Variants in PCDH9 observed in about 807,000 individuals in gnomAD.
PCDH9 encodes the protein protocadherin 9, also known as protocadherin-9.
Under a neutral mutation model 70.6 loss-of-function variants are expected in PCDH9, and 24 were observed. The ratio of observed to expected loss-of-function variants is 0.34; its 90% CI spans 0.25 to 0.48. PCDH9 has a LOEUF of 0.48. PCDH9 is among the 20% of genes least tolerant of loss of function. PCDH9 has a pLI of 0.99. For missense variants in PCDH9, 1,281 were observed against 1,503.6 expected (o/e 0.85, Z 2.45); for synonymous variants, 562 against 558.5 (o/e 1.01, Z -0.09).
In PCDH9 at chr13:67,225,941, C is replaced by A. The variant is rs375314712; in HGVS notation, c.2500G>T (p.Val834Phe). Residue 834 changes from valine (V) to phenylalanine (F), a missense_variant, in exon 2 of 5, where the codon GTT (valine) becomes TTT (phenylalanine). This residue lies in a region of PCDH9 where 207 missense variants were observed against 191.8 expected (regional missense o/e 1.08). Transcript: ENST00000377865. ...GATGCATGGCGACAGCGCACCAGAA[C>A]GGTGACGAAGATCACAACAATGACC... The part of the protein sequence containing the change: ...MVVIVVIFVT[V>F]LVRCRHASRF... 6.2e-7 allele frequency: 1 copy of A among 1,614,128 alleles called. No homozygotes were observed. Among genetic ancestry groups the A allele is most frequent in the Admixed American group, 1.7e-5 (1 of 60,028 alleles).
chr13:66,751,451 C>T (rs1158104058), intron 3 of PCDH9, among the ~76,000 whole-genome samples: 1 of 151,980 alleles, frequency 6.6e-6, no homozygotes, highest in South Asian at 2.1e-4. Context: ...TTTAGAAGCC[C>T]CTCCTACTAT....
chr13:66,333,134 A>T (rs1292868723), intron 4 of PCDH9, among the ~76,000 whole-genome samples: 3 of 152,156 alleles, frequency 2.0e-5, no homozygotes, highest in Non-Finnish European at 4.4e-5. Context: ...TGTCAAATGC[A>T]AGGTAAAATG....
intron 3 of PCDH9, among the ~76,000 whole-genome samples, chr13:66,692,167 C>T (rs1444488176): frequency 6.6e-6 from 1 of 152,094 alleles, no homozygotes; most frequent in Non-Finnish European, 1.5e-5. Flanking sequence ...AATTTACCTC[C>T]ATGTTATGAA....
chr13:66,886,871 A>G (rs2082012651), intron 3 of PCDH9, among the ~76,000 whole-genome samples: 1 of 152,088 alleles, frequency 6.6e-6, no homozygotes, highest in African/African-American at 2.4e-5. Context: ...ATATTCTACA[A>G]TTCATGCACT....
At chr13:66,725,630 G>A (rs185284840) in intron 3 of PCDH9, among the ~76,000 whole-genome samples, 1 of 152,212 alleles carries the variant, frequency 6.6e-6, no homozygotes, top group East Asian at 1.9e-4. Flanking sequence ...TCAAAAGAGA[G>A]TATAATCATA....
chr13:66,478,721 A>G (rs1958779149), intron 4 of PCDH9, among the ~76,000 whole-genome samples: 1 of 152,240 alleles, frequency 6.6e-6, no homozygotes, highest in African/African-American at 2.4e-5. Context: ...ATAAGCCGCA[A>G]AAGAAAAATT....
intron 4 of PCDH9, among the ~76,000 whole-genome samples, chr13:66,580,724 C>T (rs566956552): frequency 2.0e-5 from 3 of 152,022 alleles, no homozygotes; most frequent in African/African-American, 2.4e-5. Context: ...GCCATAGAAA[C>T]GTACACTTTA....
At chr13:66,698,869 G>A (rs1023769837) in intron 3 of PCDH9, among the ~76,000 whole-genome samples, 2 of 149,284 alleles carry the variant, frequency 1.3e-5, no homozygotes, top group African/African-American at 2.5e-5. Context: ...TTACAGAGGT[G>A]AGACACTTCG....
chr13:66,935,000 G>A (rs958842121), intron 2 of PCDH9, among the ~76,000 whole-genome samples: 2 of 151,730 alleles, frequency 1.3e-5, no homozygotes, highest in African/African-American at 2.4e-5. Flanking sequence ...GATTACAGGC[G>A]TGAGCCACCG....
At chr13:66,539,739 A>C (rs1960863574) in intron 4 of PCDH9, among the ~76,000 whole-genome samples, 1 of 152,146 alleles carries the variant, frequency 6.6e-6, no homozygotes, top group Admixed American at 6.6e-5. Flanking sequence ...TTTTGTAAAC[A>C]CAAAAAGCTT....
At chr13:66,717,451 C>CAAAAAA (rs1246391058) in intron 3 of PCDH9, among the ~76,000 whole-genome samples, 2 of 50,458 alleles carry the variant, frequency 4.0e-5, no homozygotes, top group African/African-American at 2.2e-4. Context: ...GACTCTGTCT[C>CAAAAAA]AAAAAAAAAA....
chr13:67,020,569 A>G (rs1244608518), intron 2 of PCDH9, among the ~76,000 whole-genome samples: 2 of 152,240 alleles, frequency 1.3e-5, no homozygotes, highest in Non-Finnish European at 2.9e-5. Flanking sequence ...AAATCAAGAA[A>G]TGACTATCCA....
chr13:66,921,096 T>G (rs2082630376), intron 2 of PCDH9, among the ~76,000 whole-genome samples: 1 of 151,230 alleles, frequency 6.6e-6, no homozygotes, highest in Non-Finnish European at 1.5e-5. Flanking sequence ...CTTAACCTCA[T>G]AGAAGTTCTT....
intron 2 of PCDH9, among the ~76,000 whole-genome samples, chr13:67,065,388 T>C (rs2085627433): frequency 6.6e-6 from 1 of 152,190 alleles, no homozygotes; most frequent in African/African-American, 2.4e-5. Context: ...GGTGCAATTA[T>C]TCTTTCCCAA....
intron 2 of PCDH9, among the ~76,000 whole-genome samples, chr13:67,040,454 T>C (rs1465695059): frequency 1.3e-5 from 2 of 151,940 alleles, no homozygotes; most frequent in Non-Finnish European, 2.9e-5. Context: ...TAGAGAAAAA[T>C]AAGACCTCAG....
intron 2 of PCDH9, among the ~76,000 whole-genome samples, chr13:66,927,793 T>C (rs568484682): frequency 2.2e-4 from 34 of 152,104 alleles, no homozygotes; most frequent in Non-Finnish European, 3.8e-4. Flanking sequence ...ATTATAGTTT[T>C]ATTACCTTGT....
At chr13:66,640,363 C>G (rs552558885) in intron 3 of PCDH9, among the ~76,000 whole-genome samples, 29 of 152,236 alleles carry the variant, frequency 1.9e-4, no homozygotes, top group Middle Eastern at 3.4e-3. Flanking sequence ...CTAGCATTCC[C>G]CTTGTTAATA....
At chr13:66,827,082 A>C (rs919699617) in intron 3 of PCDH9, among the ~76,000 whole-genome samples, 2 of 152,174 alleles carry the variant, frequency 1.3e-5, no homozygotes, top group African/African-American at 4.8e-5. Flanking sequence ...GGAAGATTTG[A>C]CTATAGAAGA....
chr13:66,620,829 CAAGT>C (rs1175405772), intron 4 of PCDH9, among the ~76,000 whole-genome samples: 2 of 151,934 alleles, frequency 1.3e-5, no homozygotes, highest in Admixed American at 6.6e-5. Flanking sequence ...CCTCTTGGAC[CAAGT>C]AACACAGACT....
Sources: gnomAD v4.1 joint callset for allele counts (sites outside exome capture counted in the v4.1 genomes callset) on GRCh38, gnomAD v4.1.1 for gene constraint, gnomAD v4.1.1 regional missense constraint, MANE v1.5 for transcripts, NCBI Gene and HGNC (gene_info 2026-07-23, HGNC 2026-07-21) for gene names.